The following PRKAR1A variants were observed in gnomAD, a reference collection of about 807,000 sequenced individuals.
PRKAR1A encodes the protein protein kinase cAMP-dependent type I regulatory subunit alpha, also known as cAMP-dependent protein kinase type I-alpha regulatory subunit.
In PRKAR1A, 3 loss-of-function variants were observed where a neutral mutation model predicts 52.0. That is an observed-to-expected ratio of 0.06 (90% CI 0.03 to 0.15). PRKAR1A has a LOEUF of 0.15. Among genes scored for constraint, PRKAR1A ranks in the 10% least tolerant of loss-of-function variants. PRKAR1A has a pLI of 1.00. For missense variants in PRKAR1A, 240 were observed against 477.4 expected, an observed-to-expected ratio of 0.50 and a Z score of 4.63; for synonymous variants, 188 against 168.4, an observed-to-expected ratio of 1.12 and a Z score of -0.90.
At chr17:68,528,839 C>G (rs2085874814) in intron 8 of PRKAR1A, 31 bp from the exon 9 acceptor site, 1 of 1,611,458 alleles carries the variant, frequency 6.2e-7, no homozygotes, top group Non-Finnish European at 8.5e-7. Context: ...CCAAATAATA[C>G]AGAGCAGTTA....
Position 68,530,491 on chromosome 17 carries a change from A to G in PRKAR1A, c.*42A>G, listed in dbSNP as rs770281818. 7 of 1,613,692 alleles carry G rather than the reference A, an allele frequency of 4.3e-6. No homozygotes were observed. The Admixed American group carries it at 6.7e-5, about 15-fold the overall frequency. ...CTCCCTTTTCTCCTCTCCCCAATCC[A>G]TGCTTCACTCATGCAAACTGCTTTA... On this transcript the variant is annotated 3_prime_UTR_variant, in exon 11 of 11. Coordinates refer to ENST00000589228, the MANE Select transcript of PRKAR1A (RefSeq NM_002734.5).
chr17:68,465,223 C>T, the PRKAR1A span, among the ~76,000 whole-genome samples: 3 of 152,136 alleles, frequency 2.0e-5, no homozygotes, highest in Admixed American at 6.5e-5. Flanking sequence ...TGAGCCACCG[C>T]GCCCGGCCCC....
At chr17:68,426,985 TCCAC>T in the PRKAR1A span, 1 of 663,192 alleles carries the variant, frequency 1.5e-6, no homozygotes, top group Admixed American at 2.8e-5. Context: ...AGGAGAGCAC[TCCAC>T]CCCCAGGTAA....
the PRKAR1A span, among the ~76,000 whole-genome samples, chr17:68,496,317 C>T: frequency 2.0e-5 from 3 of 151,778 alleles, no homozygotes; most frequent in African/African-American, 4.8e-5. Context: ...GCTGGGATTA[C>T]AGGCATGAGC....
At chr17:68,439,647 T>A in the PRKAR1A span, among the ~76,000 whole-genome samples, 2 of 152,198 alleles carry the variant, frequency 1.3e-5, no homozygotes. Flanking sequence ...CAAAAAAGAT[T>A]TTCAAATTTT....
At chr17:68,545,849 C>T (rs1238111266) in intron 11 of PRKAR1A, among the ~76,000 whole-genome samples, 2 of 152,160 alleles carry the variant, frequency 1.3e-5, no homozygotes, top group Admixed American at 6.5e-5. Flanking sequence ...TCTCAAGAAA[C>T]CACTTTCTTT....
Position 68,530,557 on chromosome 17 carries a change from G to A in PRKAR1A, c.*108G>A. ...GCGCCAAGTGGCCACTGGCATCGCA[G>A]CTTCCTGTCTGTTTATATATTGAAA... On this transcript the variant is annotated 3_prime_UTR_variant, in exon 11 of 11. Transcript: ENST00000589228. The A allele has an allele frequency of 6.3e-7, 1 of 1,597,434 alleles. No individual in the cohort carries two copies. The highest frequency in any genetic ancestry group is 1.3e-5 in the African/African-American group (1 of 74,772).
intron 2 of PRKAR1A, among the ~76,000 whole-genome samples, chr17:68,521,587 T>G (rs1251154784): frequency 6.6e-6 from 1 of 152,250 alleles, no homozygotes; most frequent in East Asian, 1.9e-4. Flanking sequence ...TGTGTTAATA[T>G]GAAATGAGAA....
the PRKAR1A span, among the ~76,000 whole-genome samples, chr17:68,482,147 T>G: frequency 6.6e-6 from 1 of 152,156 alleles, no homozygotes; most frequent in African/African-American, 2.4e-5. Context: ...GGAGTTGAAT[T>G]TTGAAAGATG....
chr17:68,502,634 C>G, the PRKAR1A span, among the ~76,000 whole-genome samples: 1 of 151,832 alleles, frequency 6.6e-6, no homozygotes, highest in East Asian at 1.9e-4. Context: ...CGTCTGTAAT[C>G]CCAGCTATTT....
At chr17:68,435,084 G>A in the PRKAR1A span, among the ~76,000 whole-genome samples, 9 of 152,044 alleles carry the variant, frequency 5.9e-5, no homozygotes, top group African/African-American at 2.2e-4. Flanking sequence ...GCATGTGCCT[G>A]TAATCTCAGC....
chr17:68,531,815 T>A lies in PRKAR1A; in HGVS notation c.*1366T>A. ...TTCCAATGATACCCAACAGTTTATT[T>A]TTATTATTTTTTTAAACAAAATTTC... On this transcript the variant is annotated 3_prime_UTR_variant, in exon 11 of 11. Coordinates refer to ENST00000589228, the MANE Select transcript of PRKAR1A (RefSeq NM_002734.5). 1 of 1,034,050 alleles carries A rather than the reference T, an allele frequency of 9.7e-7. No individual in the cohort carries two copies. Among genetic ancestry groups the A allele is most frequent in the Non-Finnish European group, 1.2e-6 (1 of 850,446 alleles). 64.1% of individuals were successfully genotyped at this position (1,034,050 alleles called of 1,614,324 possible).
In PRKAR1A at chr17:68,530,493, G is replaced by C; in HGVS notation, c.*44G>C. The C allele has an allele frequency of 1.2e-6, 2 of 1,613,728 alleles. No individual in the cohort carries two copies. The highest frequency in any genetic ancestry group is 1.7e-5 in the Admixed American group (1 of 59,974). The stretch of plus-strand genomic sequence containing the variant: ...CCCTTTTCTCCTCTCCCCAATCCAT[G>C]CTTCACTCATGCAAACTGCTTTATT... On this transcript the variant is annotated 3_prime_UTR_variant, in exon 11 of 11. Transcript: ENST00000589228.
the PRKAR1A span, among the ~76,000 whole-genome samples, chr17:68,486,507 T>TTCCTTCCTTCCC: frequency 4.9e-3 from 199 of 40,498 alleles, 1 homozygote; most frequent in South Asian, 0.011. Context: ...CCTTCCTTCC[T>TTCCTTCCTTCCC]TCTTTCTTTC....
chr17:68,457,488 C>G, the PRKAR1A span: 10 of 1,314,352 alleles, frequency 7.6e-6, no homozygotes, highest in South Asian at 1.7e-4. Context: ...CCGCCCGCGC[C>G]GGCTCCACGG....
the PRKAR1A span, among the ~76,000 whole-genome samples, chr17:68,446,739 C>T: frequency 2.5e-4 from 38 of 152,308 alleles, no homozygotes; most frequent in African/African-American, 8.9e-4. Context: ...CCTGGGATAG[C>T]GGGGCCTTGA....
At chr17:68,505,840 A>G in the PRKAR1A span, among the ~76,000 whole-genome samples, 1 of 152,180 alleles carries the variant, frequency 6.6e-6, no homozygotes, top group South Asian at 2.1e-4. Flanking sequence ...AAGTATCAAC[A>G]TTGGCTCTTC....
chr17:68,439,356 A>T, the PRKAR1A span, among the ~76,000 whole-genome samples: 3 of 152,228 alleles, frequency 2.0e-5, no homozygotes, highest in Non-Finnish European at 4.4e-5. Context: ...ACATTAGGCT[A>T]TGTGAAAGAA....
At chr17:68,521,820 T>G (rs1285493682) in intron 2 of PRKAR1A, among the ~76,000 whole-genome samples, 1 of 152,192 alleles carries the variant, frequency 6.6e-6, no homozygotes, top group Admixed American at 6.5e-5. Context: ...AGAAAAGAAA[T>G]AACGGGTCAA....
Sources: allele counts gnomAD v4.1 joint callset (sites outside exome capture counted in the v4.1 genomes callset), GRCh38; gene constraint gnomAD v4.1.1; transcripts MANE v1.5; gene names NCBI Gene and HGNC (gene_info 2026-07-23, HGNC 2026-07-21).